Variants in USP3 observed in about 807,000 individuals in gnomAD.
USP3 encodes ubiquitin specific peptidase 3.
A neutral mutation model predicts 72.3 loss-of-function variants in USP3; 20 were observed. The observed-to-expected ratio is 0.28, with a 90% CI of 0.19 to 0.40. The LOEUF is 0.40. Among genes scored for constraint, USP3 ranks in the 10% least tolerant of loss-of-function variants. USP3 has a pLI of 1.00. For missense variants in USP3, 479 were observed against 633.9 expected, an observed-to-expected ratio of 0.76 and a Z score of 2.62; for synonymous variants, 222 against 225.3, an observed-to-expected ratio of 0.99 and a Z score of 0.13.
At chr15:63,537,507 C>T (rs2066175345) in intron 3 of USP3, among the ~76,000 whole-genome samples, 1 of 152,078 alleles carries the variant, frequency 6.6e-6, no homozygotes, top group Non-Finnish European at 1.5e-5. Flanking sequence ...ACTCAACAAA[C>T]CCATGTTCCT....
In USP3 at chr15:63,574,436, TCTTTAAATAATTGAATAGATTGATAAG is replaced by T. The variant is rs771491416; in HGVS notation, c.1096+37_1096+63del. 32 of 1,535,890 alleles carry T rather than the reference TCTTTAAATAATTGAATAGATTGATAAG, an allele frequency of 2.1e-5. No homozygotes were observed. The highest frequency in any genetic ancestry group is 2.6e-5 in the Non-Finnish European group (29 of 1,132,248). Reference sequence around the variant, plus strand: ...TACTTGAATGTTCTAAAAATTTTTTTCTTTAAATAATTGAATAGATTGATAAGCTTCATCTATATGTGGTATCTTTAA... The same window carrying T: ...TACTTGAATGTTCTAAAAATTTTTTTCTTCATCTATATGTGGTATCTTTAA... On this transcript the variant is annotated intron_variant, in intron 11 of 14. Coordinates refer to ENST00000380324, the MANE Select transcript of USP3 (RefSeq NM_006537.4). This position sits in a 1 kb window ranked among gnomAD's most constrained non-coding sequence, Gnocchi z 4.6.
intron 3 of USP3, among the ~76,000 whole-genome samples, chr15:63,539,705 G>C (rs967132872): frequency 3.9e-5 from 6 of 152,204 alleles, no homozygotes; most frequent in African/African-American, 1.4e-4. Context: ...CCAGGCTTTT[G>C]TGTGAAGTTG....
chr15:63,578,826 GAATGACCA>G (rs761777776), intron 11 of USP3, among the ~76,000 whole-genome samples: 10 of 152,106 alleles, frequency 6.6e-5, no homozygotes, highest in Non-Finnish European at 1.2e-4. Flanking sequence ...ATAAATTATA[GAATGACCA>G]AATTATTAAC....
At chr15:63,537,413 T>C (rs1342758025) in intron 3 of USP3, among the ~76,000 whole-genome samples, 1 of 152,170 alleles carries the variant, frequency 6.6e-6, no homozygotes, top group Non-Finnish European at 1.5e-5. Flanking sequence ...TTCAAGGAAA[T>C]AGATCTATTT....
At position 63,590,703 on chromosome 15, in the gene USP3, C is replaced by A; in HGVS notation, c.1440C>A (p.Gly480=). 1 of 1,613,684 alleles carries A rather than the reference C, an allele frequency of 6.2e-7. No individual in the cohort carries two copies. The highest frequency in any genetic ancestry group is 8.5e-7 in the Non-Finnish European group (1 of 1,179,758). ...GHYTAYATHE[G]RWFHFNDSTV... ...ACACAGCATACGCAACTCACGAAGG[C>A]CGCTGGTTCCACTTCAATGACAGTA... Residue 480 remains glycine, a synonymous_variant, in exon 15 of 15, where the codon GGC becomes GGA. Transcript: ENST00000380324.
intron 1 of USP3, among the ~76,000 whole-genome samples, chr15:63,519,984 T>C (rs897484943): frequency 6.6e-6 from 1 of 152,164 alleles, no homozygotes; most frequent in African/African-American, 2.4e-5. Context: ...TTGAGCCCTT[T>C]TTACTTTCTC....
At position 63,587,953 on chromosome 15, in the gene USP3, CTGTATAA is replaced by C. The variant is rs529903281; in HGVS notation, c.1097-347_1097-341del. ...TTTTTTATGAGTTTGGAGCTTTGTC[CTGTATAA>C]TGTAACATATTGACAGAAAACTACA... On this transcript the variant is annotated intron_variant, in intron 11 of 14. Transcript: ENST00000380324. The C allele has an allele frequency of 5.3e-5, 9 of 168,574 alleles. No individual in the cohort carries two copies. The East Asian group carries it at 1.5e-3, about 29-fold the overall frequency. 10.4% of individuals were successfully genotyped at this position (168,574 alleles called of 1,614,324 possible). A position where few individuals can be genotyped will look rare whatever the true frequency, so the allele number is the denominator to read the frequency against.
At chr15:63,549,384 C>G (rs1843222983) in intron 3 of USP3, among the ~76,000 whole-genome samples, 1 of 152,188 alleles carries the variant, frequency 6.6e-6, no homozygotes, top group African/African-American at 2.4e-5. Context: ...ATTGATTTGA[C>G]TCAGAAGAAG....
rs114234410 is a variant in USP3, at chr15:63,530,512, C to A, written c.92-2135C>A. On this transcript the variant is annotated intron_variant, in intron 1 of 14. Transcript: ENST00000380324. The stretch of plus-strand genomic sequence containing the variant: ...ATTTTTTGTAGAGATGGAGTTTCAC[C>A]ATTTTACCAAAGCTGGTCTCGAACT... 21 of 355,094 alleles carry A rather than the reference C, an allele frequency of 5.9e-5. No homozygotes were observed. In the East Asian group the frequency reaches 2.1e-3, roughly 36 times the overall value. The allele number at this position is 355,094 out of a possible 1,614,324, so 22.0% of individuals were successfully genotyped here.
At chr15:63,586,770 A>G (rs1482080550) in intron 11 of USP3, 1 of 152,254 alleles carries the variant, frequency 6.6e-6, no homozygotes, top group African/African-American at 2.4e-5. Flanking sequence ...TTGGCAATGT[A>G]GTATTTGTGG....
At chr15:63,545,301 A>G (rs1217464485) in intron 3 of USP3, among the ~76,000 whole-genome samples, 2 of 152,186 alleles carry the variant, frequency 1.3e-5, no homozygotes, top group African/African-American at 4.8e-5. Context: ...AATCAGTTGT[A>G]TATATCCTGT....
rs2066759434 is a variant in USP3 at position 63,570,370 on chromosome 15, T to C, written c.762-63T>C. The C allele has an allele frequency of 1.2e-6, 2 of 1,607,638 alleles. No individual in the cohort carries two copies. On this transcript the variant is annotated intron_variant, in intron 8 of 14. Transcript: ENST00000380324. The surrounding 1 kb of genome is among the most constrained non-coding windows in gnomAD (Gnocchi z 4.4). ...CCTTTTCCACGCCTTGGCCTCTTGC[T>C]GGTGTGGCTGGGCACAAAGAGCCCT...
At chr15:63,580,984 C>T (rs1213700536) in intron 11 of USP3, among the ~76,000 whole-genome samples, 1 of 151,704 alleles carries the variant, frequency 6.6e-6, no homozygotes, top group African/African-American at 2.4e-5. Flanking sequence ...AATTTTTGTA[C>T]TTAATAGAGA....
rs1000712475 is a variant in USP3 at position 63,570,805 on chromosome 15, G to T, written c.908+226G>T. Among the ~76,000 whole-genome samples, 6 of 152,030 alleles carry T rather than the reference G, an allele frequency of 3.9e-5. No homozygotes were observed. The highest frequency in any genetic ancestry group is 8.8e-5 in the Non-Finnish European group (6 of 68,014). On this transcript the variant is annotated intron_variant, in intron 9 of 14. Coordinates refer to ENST00000380324, the MANE Select transcript of USP3 (RefSeq NM_006537.4). This position sits in a 1 kb window ranked among gnomAD's most constrained non-coding sequence, Gnocchi z 4.4. The stretch of plus-strand genomic sequence containing the variant: ...ATTTAGTTCTGACTGTGATTAATTG[G>T]TATAGATTATTTTAAATTTTGAAAA...
chr15:63,532,737 C>T lies in USP3; in HGVS notation c.152+30C>T, dbSNP rs776307087. 2.5e-6 allele frequency: 4 copies of T among 1,608,744 alleles called. No homozygotes were observed. In the Admixed American group the frequency reaches 5.1e-5, roughly 20 times the overall value. On this transcript the variant is annotated intron_variant, in intron 2 of 14. Coordinates refer to ENST00000380324, the MANE Select transcript of USP3 (RefSeq NM_006537.4). ...GTGACATACTTATTACTTCACTGAC[C>T]TATTTGCTTTTTAAAATTTGTCTTT...
intron 7 of USP3, among the ~76,000 whole-genome samples, chr15:63,562,215 T>C (rs1423282893): frequency 6.6e-6 from 1 of 152,160 alleles, no homozygotes; most frequent in Non-Finnish European, 1.5e-5. Context: ...AGTTTTTTAT[T>C]GGGAGAGTTT....
At chr15:63,522,736 A>T (rs938160957) in intron 1 of USP3, among the ~76,000 whole-genome samples, 9 of 152,222 alleles carry the variant, frequency 5.9e-5, no homozygotes, top group Admixed American at 2.0e-4. Flanking sequence ...TTTATTGGAT[A>T]TTGGAATATA....
chr15:63,553,701 T>G lies in USP3; in HGVS notation c.285-14T>G, dbSNP rs1177978130. The G allele has an allele frequency of 6.2e-7, 1 of 1,610,768 alleles. No homozygotes were observed. The highest frequency in any genetic ancestry group is 1.3e-5 in the African/African-American group (1 of 74,646). ...CAAGCTCTTTACACACATTGATTAA[T>G]ATTTTCCTTGCAGTTATCGCTGTGA... is the stretch of plus-strand genomic sequence containing the variant. On this transcript the variant is annotated splice_polypyrimidine_tract_variant and intron_variant, in intron 3 of 14. Coordinates refer to ENST00000380324, the MANE Select transcript of USP3 (RefSeq NM_006537.4). This position sits in a 1 kb window ranked among gnomAD's most constrained non-coding sequence, Gnocchi z 4.2.
At chr15:63,575,362 T>C (rs1309952896) in intron 11 of USP3, among the ~76,000 whole-genome samples, 2 of 152,124 alleles carry the variant, frequency 1.3e-5, no homozygotes, top group Non-Finnish European at 2.9e-5. Context: ...ATTATCCTAG[T>C]AGAAATAAAA....
Sources: allele counts gnomAD v4.1 joint callset (sites outside exome capture counted in the v4.1 genomes callset), GRCh38; gene constraint gnomAD v4.1.1; non-coding constraint Gnocchi (gnomAD v3.1); transcripts MANE v1.5; gene names NCBI Gene and HGNC (gene_info 2026-07-23, HGNC 2026-07-21).